The following PHLDB2 variants were observed in gnomAD, a reference collection of about 807,000 sequenced individuals.
PHLDB2 encodes pleckstrin homology like domain family B member 2.
Under a neutral mutation model 123.6 loss-of-function variants are expected in PHLDB2, and 71 were observed. The observed-to-expected ratio is 0.57, with a 90% confidence interval of 0.47 to 0.70. The LOEUF (loss-of-function observed/expected upper bound fraction) is 0.70, where lower values mean the gene tolerates loss of function less well. Ranked by LOEUF, PHLDB2 falls within the 30% of genes least tolerant of loss-of-function variation. The pLI is 0.00. For missense variants in PHLDB2, 1,446 were observed against 1,519.5 expected, an observed-to-expected ratio of 0.95 and a Z score of 0.80; for synonymous variants, 547 against 541.6, an observed-to-expected ratio of 1.01 and a Z score of -0.14.
chr3:111,877,968 A>C (rs1178027084), intron 1 of PHLDB2, among the ~76,000 whole-genome samples: 2 of 152,100 alleles, frequency 1.3e-5, no homozygotes, highest in African/African-American at 2.4e-5. Flanking sequence ...TGTAGTATAC[A>C]TTGAAGTCAG....
intron 1 of PHLDB2, among the ~76,000 whole-genome samples, chr3:111,746,316 C>T (rs2059682108): frequency 6.6e-6 from 1 of 152,134 alleles, no homozygotes; most frequent in Non-Finnish European, 1.5e-5. Context: ...AATGCTGAGA[C>T]CTAATCCTGG....
At chr3:111,793,572 A>C (rs1406992308) in intron 1 of PHLDB2, among the ~76,000 whole-genome samples, 1 of 151,856 alleles carries the variant, frequency 6.6e-6, no homozygotes, top group East Asian at 2.0e-4. Context: ...CCTTTTTCCA[A>C]GCAGAAAGAG....
intron 13 of PHLDB2, among the ~76,000 whole-genome samples, chr3:111,963,724 G>A (rs1484455141): frequency 6.6e-6 from 1 of 152,082 alleles, no homozygotes; most frequent in Non-Finnish European, 1.5e-5. Flanking sequence ...ATTTCAGCAT[G>A]GAATTACCTC....
intron 1 of PHLDB2, among the ~76,000 whole-genome samples, chr3:111,819,650 T>C (rs879183140): frequency 6.6e-6 from 1 of 152,192 alleles, no homozygotes; most frequent in Admixed American, 6.5e-5. Context: ...CCTAGAAATA[T>C]CATGAGTACA....
intron 1 of PHLDB2, among the ~76,000 whole-genome samples, chr3:111,842,177 G>A (rs930982341): frequency 1.3e-5 from 2 of 152,170 alleles, no homozygotes; most frequent in African/African-American, 4.8e-5. Flanking sequence ...AAATATAATG[G>A]CCATTATTAT....
At chr3:111,752,935 C>G (rs943429091) in intron 1 of PHLDB2, among the ~76,000 whole-genome samples, 12 of 151,960 alleles carry the variant, frequency 7.9e-5, no homozygotes, top group African/African-American at 2.4e-4. Flanking sequence ...TACTGAGAAT[C>G]ATGATTTCCA....
intron 2 of PHLDB2, among the ~76,000 whole-genome samples, chr3:111,850,255 A>G (rs1247020113): frequency 1.3e-5 from 2 of 152,118 alleles, no homozygotes; most frequent in African/African-American, 2.4e-5. Flanking sequence ...TGGGTACACA[A>G]AGGTATACAG....
chr3:111,922,395 G>A (rs559941929), intron 5 of PHLDB2, among the ~76,000 whole-genome samples: 2 of 152,234 alleles, frequency 1.3e-5, no homozygotes, highest in South Asian at 2.1e-4. Context: ...CTAGGAACAC[G>A]GGCAGAAACA....
chr3:111,941,358 T>C (rs1302402584), intron 8 of PHLDB2, among the ~76,000 whole-genome samples: 2 of 152,230 alleles, frequency 1.3e-5, no homozygotes, highest in Non-Finnish European at 2.9e-5. Context: ...ACCCTGCATT[T>C]ATGCCACTGC....
intron 1 of PHLDB2, among the ~76,000 whole-genome samples, chr3:111,802,970 G>C (rs1452799196): frequency 1.3e-5 from 2 of 152,184 alleles, no homozygotes; most frequent in African/African-American, 4.8e-5. Context: ...ATAAAATAAA[G>C]CAGATATATG....
At chr3:111,802,055 T>C (rs569696396) in intron 1 of PHLDB2, among the ~76,000 whole-genome samples, 1 of 152,348 alleles carries the variant, frequency 6.6e-6, no homozygotes, top group East Asian at 1.9e-4. Flanking sequence ...AACAATAAAT[T>C]AACCAGGATA....
At chr3:111,859,797 A>T in intron 1 of PHLDB2, 1 of 984,526 alleles carries the variant, frequency 1.0e-6, no homozygotes, top group Non-Finnish European at 1.2e-6. Flanking sequence ...TCACGGAGGG[A>T]GACAGGGTGG....
Position 111,859,341 on chromosome 3 carries a change from G to A in PHLDB2, c.-250G>A, listed in dbSNP as rs2064673669. On this transcript the variant is annotated 5_prime_UTR_variant, in exon 1 of 18. In the 5' UTR this introduces an upstream ATG that the reference lacks. Transcript: ENST00000431670. ...AAACAGCCATGCCCTTCCAGCAGCCGTGAAAGCCCCAACAGCAAACTGCCT... is the reference window on the plus strand; with the variant it reads ...AAACAGCCATGCCCTTCCAGCAGCCATGAAAGCCCCAACAGCAAACTGCCT... 1 of 985,586 alleles carries A rather than the reference G, an allele frequency of 1.0e-6. No individual in the cohort carries two copies. The highest frequency in any genetic ancestry group is 1.2e-6 in the Non-Finnish European group (1 of 830,034). 61.1% of individuals were successfully genotyped at this position (985,586 alleles called of 1,614,324 possible).
chr3:111,940,539 A>G lies in PHLDB2; in HGVS notation c.2291A>G (p.Lys764Arg). The change falls in exon 8 of 18, where the codon AAA becomes AGA. Residue 764 changes from lysine to arginine, a missense_variant. Lys to Arg is a conservative substitution (Grantham distance 26). Around this residue, in one of 3 missense-constraint regions of PHLDB2, gnomAD observed 594 missense variants for 646.0 expected, o/e 0.92. Transcript: ENST00000431670. ...TGATCATCTCTTTTCCTCCAGGAAA[A>G]AATTTCTGCATTGAAAAAGCAAGCC... ...YQRNIVSRKE[K>R]ISALKKQANH... The G allele has an allele frequency of 6.3e-7, 1 of 1,594,006 alleles. No individual in the cohort carries two copies. Among genetic ancestry groups the G allele is most frequent in the Non-Finnish European group, 8.6e-7 (1 of 1,167,772 alleles).
intron 2 of PHLDB2, among the ~76,000 whole-genome samples, chr3:111,852,659 A>C (rs2064308210): frequency 1.3e-5 from 2 of 152,048 alleles, no homozygotes; most frequent in Non-Finnish European, 2.9e-5. Context: ...TCCTTGTTTT[A>C]AGCCCACTAC....
chr3:111,814,814 C>G (rs1014770797), intron 1 of PHLDB2, among the ~76,000 whole-genome samples: 1 of 152,088 alleles, frequency 6.6e-6, no homozygotes, highest in Admixed American at 6.6e-5. Context: ...ACAACCCACT[C>G]TCTCAGAAAC....
chr3:111,747,885 G>T (rs1448137788), intron 1 of PHLDB2, among the ~76,000 whole-genome samples: 1 of 152,098 alleles, frequency 6.6e-6, no homozygotes. Flanking sequence ...TATCACTAAT[G>T]ACCCTAACTT....
intron 1 of PHLDB2, among the ~76,000 whole-genome samples, chr3:111,780,412 A>AAGGAAGAAG (rs1326616017): frequency 8.6e-6 from 1 of 116,680 alleles, no homozygotes; most frequent in Non-Finnish European, 1.8e-5. Flanking sequence ...AGAAGAAGAA[A>AAGGAAGAAG]AAGATTAGTT....
chr3:111,974,314 G>A, intron 17 of PHLDB2, 109 bp from the exon 18 acceptor site: 1 of 1,105,704 alleles, frequency 9.0e-7, no homozygotes, highest in Non-Finnish European at 1.2e-6. Flanking sequence ...TAACGCCTTT[G>A]TAAATTTAAT....
Sources: gnomAD v4.1 joint callset for allele counts (sites outside exome capture counted in the v4.1 genomes callset) on GRCh38, gnomAD v4.1.1 for gene constraint, gnomAD v4.1.1 regional missense constraint, MANE v1.5 for transcripts, NCBI Gene and HGNC (gene_info 2026-07-23, HGNC 2026-07-21) for gene names.